BICRAL: variants seen among roughly 807,000 people sequenced by gnomAD.
BICRAL encodes the protein BRD4-interacting chromatin-remodeling complex-associated protein-like.
Under a neutral mutation model 91.8 loss-of-function variants are expected in BICRAL, and 8 were observed. That is an observed-to-expected ratio of 0.09 (90% confidence interval 0.05 to 0.16). The LOEUF (loss-of-function observed/expected upper bound fraction) is 0.16. BICRAL is among the 10% of genes least tolerant of loss of function. BICRAL has a pLI of 1.00. For missense variants in BICRAL, 1,038 were observed against 1,310.9 expected (o/e 0.79, Z 3.21); for synonymous variants, 445 against 491.1 (o/e 0.91, Z 1.24).
chr6:42,855,295 C>A (rs1765315324), intron 8 of BICRAL, among the ~76,000 whole-genome samples: 1 of 152,198 alleles, frequency 6.6e-6, no homozygotes, highest in African/African-American at 2.4e-5. Context: ...AATCCCAACA[C>A]TTTGGGAGGC....
chr6:42,853,284 A>G (rs1255891496), intron 7 of BICRAL, among the ~76,000 whole-genome samples: 2 of 151,768 alleles, frequency 1.3e-5, no homozygotes, highest in Non-Finnish European at 2.9e-5. Flanking sequence ...ATTCCCAGTC[A>G]ATTGCCTCTT....
At chr6:42,811,153 A>G (rs1029213433) in intron 2 of BICRAL, among the ~76,000 whole-genome samples, 14 of 152,200 alleles carry the variant, frequency 9.2e-5, no homozygotes, top group African/African-American at 3.4e-4. Flanking sequence ...TTTAGATATT[A>G]GATATCAGGC....
intron 1 of BICRAL, among the ~76,000 whole-genome samples, chr6:42,773,604 T>C (rs1762771799): frequency 1.3e-5 from 2 of 152,108 alleles, no homozygotes; most frequent in African/African-American, 4.8e-5. Flanking sequence ...AACCTCTGCC[T>C]CCTGGGTTCA....
At chr6:42,763,194 A>G (rs1012222043) in intron 1 of BICRAL, among the ~76,000 whole-genome samples, 3 of 152,178 alleles carry the variant, frequency 2.0e-5, no homozygotes, top group Non-Finnish European at 4.4e-5. Context: ...TTTAATCTTC[A>G]TGGTAATCTT....
intron 6 of BICRAL, among the ~76,000 whole-genome samples, chr6:42,833,860 G>A (rs1202138047): frequency 6.6e-6 from 1 of 151,722 alleles, no homozygotes; most frequent in Non-Finnish European, 1.5e-5. Flanking sequence ...TATTATTATT[G>A]TTATTATTAT....
At chr6:42,861,380 T>C (rs1229861151) in intron 11 of BICRAL, among the ~76,000 whole-genome samples, 1 of 152,216 alleles carries the variant, frequency 6.6e-6, no homozygotes, top group Non-Finnish European at 1.5e-5. Context: ...CATATTGTCA[T>C]CACCACTGTC....
chr6:42,771,937 A>G (rs1177464352), intron 1 of BICRAL, among the ~76,000 whole-genome samples: 2 of 152,236 alleles, frequency 1.3e-5, no homozygotes, highest in Admixed American at 1.3e-4. Context: ...TGGAACTGTC[A>G]CAAGATATGC....
intron 1 of BICRAL, among the ~76,000 whole-genome samples, chr6:42,772,648 C>G (rs770003660): frequency 2.0e-5 from 3 of 152,106 alleles, no homozygotes; most frequent in Non-Finnish European, 2.9e-5. Context: ...TCTGTACTTG[C>G]AATAAACATC....
intron 10 of BICRAL, among the ~76,000 whole-genome samples, chr6:42,859,761 C>T (rs1256952308): frequency 6.6e-6 from 1 of 152,038 alleles, no homozygotes; most frequent in African/African-American, 2.4e-5. Context: ...CCTGCCTCAG[C>T]CTCTCGAGTA....
chr6:42,864,060 G>A (rs1238865043), intron 12 of BICRAL, among the ~76,000 whole-genome samples: 6 of 151,972 alleles, frequency 3.9e-5, no homozygotes, highest in South Asian at 4.2e-4. Flanking sequence ...CCAGCTACTC[G>A]GGAAGCTAAG....
At chr6:42,826,043 C>A (rs1190320461) in intron 5 of BICRAL, among the ~76,000 whole-genome samples, 2 of 151,866 alleles carry the variant, frequency 1.3e-5, no homozygotes, top group Non-Finnish European at 2.9e-5. Flanking sequence ...GAGATCGGGC[C>A]ACTGCACTCC....
At chr6:42,862,745 C>T (rs1448309374) in intron 12 of BICRAL, 133 bp downstream of exon 12, 11 of 636,976 alleles carry the variant, frequency 1.7e-5, no homozygotes, top group South Asian at 9.1e-5. Flanking sequence ...GAGCTGGGCA[C>T]GGTGGCTCAC....
intron 1 of BICRAL, among the ~76,000 whole-genome samples, chr6:42,763,277 A>G (rs1762582087): frequency 6.6e-6 from 1 of 152,236 alleles, no homozygotes; most frequent in Non-Finnish European, 1.5e-5. Flanking sequence ...AGTCTTTAAT[A>G]CAGATTGGGA....
chr6:42,860,169 A>G, intron 10 of BICRAL, 93 bp from the exon 11 acceptor site: 1 of 746,702 alleles, frequency 1.3e-6, no homozygotes, highest in East Asian at 2.6e-5. Flanking sequence ...TGTTTGAATA[A>G]CAGAAGAGTA....
chr6:42,791,378 TTAACA>T (rs1763268149), intron 1 of BICRAL, among the ~76,000 whole-genome samples: 1 of 152,158 alleles, frequency 6.6e-6, no homozygotes, highest in African/African-American at 2.4e-5. Context: ...CATTAAACAC[TTAACA>T]TTACTTAAAA....
At chr6:42,811,404 C>T (rs777408775) in intron 2 of BICRAL, among the ~76,000 whole-genome samples, 5 of 152,144 alleles carry the variant, frequency 3.3e-5, no homozygotes, top group Non-Finnish European at 7.3e-5. Context: ...GGGCAGATCA[C>T]GAGGTCGAGA....
At chr6:42,860,173 A>T (rs1311448262) in intron 10 of BICRAL, 89 bp from the exon 11 acceptor site, 1 of 763,462 alleles carries the variant, frequency 1.3e-6, no homozygotes, top group African/African-American at 1.7e-5. Context: ...TGAATAACAG[A>T]AGAGTAATGT....
intron 11 of BICRAL, among the ~76,000 whole-genome samples, chr6:42,861,157 A>G (rs1199717152): frequency 6.6e-6 from 1 of 151,732 alleles, no homozygotes; most frequent in Non-Finnish European, 1.5e-5. Context: ...AATGAAAAAT[A>G]ATGGATCACC....
intron 1 of BICRAL, among the ~76,000 whole-genome samples, chr6:42,802,345 T>G (rs1763598236): frequency 6.6e-6 from 1 of 152,240 alleles, no homozygotes. Flanking sequence ...GAGCAGTTTC[T>G]ATTTAATATT....
Sources: allele counts gnomAD v4.1 joint callset (sites outside exome capture counted in the v4.1 genomes callset), GRCh38; gene constraint gnomAD v4.1.1; transcripts MANE v1.5; gene names NCBI Gene and HGNC (gene_info 2026-07-23, HGNC 2026-07-21).